PCLO: variants seen among roughly 807,000 people sequenced by gnomAD.
PCLO encodes the protein protein piccolo.
PCLO carries 82 observed loss-of-function variants against 427.5 expected under a neutral mutation model. The ratio of observed to expected loss-of-function variants is 0.19; its 90% CI spans 0.16 to 0.23. The LOEUF is 0.23. Among genes scored for constraint, PCLO ranks in the 10% least tolerant of loss-of-function variants. PCLO has a pLI of 1.00. For missense variants in PCLO, 6,239 were observed against 6,115.9 expected, an observed-to-expected ratio of 1.02 and a Z score of -0.67; for synonymous variants, 2,357 against 2,155.4, an observed-to-expected ratio of 1.09 and a Z score of -2.59.
chr7:82,808,509 GT>G (rs959529382), intron 20 of PCLO, among the ~76,000 whole-genome samples: 4 of 151,474 alleles, frequency 2.6e-5, no homozygotes, highest in African/African-American at 9.7e-5. Flanking sequence ...GAAAAGACAG[GT>G]TTTTTTTCCA....
At chr7:82,923,167 G>C (rs1299904050) in intron 6 of PCLO, among the ~76,000 whole-genome samples, 1 of 152,020 alleles carries the variant, frequency 6.6e-6, no homozygotes, top group Admixed American at 6.6e-5. Context: ...GAGAATGATT[G>C]ATTAAGATAT....
intron 3 of PCLO, among the ~76,000 whole-genome samples, chr7:83,125,781 A>G (rs1469525671): frequency 6.6e-6 from 1 of 152,192 alleles, no homozygotes; most frequent in Non-Finnish European, 1.5e-5. Flanking sequence ...TAGGAAAACC[A>G]GAGACCTTTG....
At chr7:82,919,827 C>T (rs62461416) in intron 6 of PCLO, among the ~76,000 whole-genome samples, 23,510 of 151,910 alleles carry the variant, frequency 0.15, 2,398 homozygotes, top group Non-Finnish European at 0.22. Flanking sequence ...CCCTAAAATA[C>T]ATAACTATTC....
chr7:82,824,787 C>CAAAA (rs572757696), intron 18 of PCLO, among the ~76,000 whole-genome samples: 9 of 141,728 alleles, frequency 6.4e-5, no homozygotes, highest in Admixed American at 1.4e-4. Context: ...GCTAAAAATA[C>CAAAA]AAAAAAAAAA....
chr7:82,809,610 A>G (rs866778064), intron 20 of PCLO, among the ~76,000 whole-genome samples: 3,658 of 151,228 alleles, frequency 0.024, 157 homozygotes, highest in African/African-American at 0.084. Context: ...AGTAATAATA[A>G]TAATAATACA....
intron 13 of PCLO, among the ~76,000 whole-genome samples, chr7:82,843,002 C>CA (rs939999256): frequency 1.2e-4 from 18 of 151,934 alleles, no homozygotes; most frequent in African/African-American, 2.9e-4. Flanking sequence ...GGAGGTTCCT[C>CA]AAAAAAATTA....
chr7:82,931,551 C>T (rs1292171855), intron 6 of PCLO, among the ~76,000 whole-genome samples: 1 of 152,114 alleles, frequency 6.6e-6, no homozygotes, highest in African/African-American at 2.4e-5. Flanking sequence ...TACTTCTAAG[C>T]TCACTCATGT....
chr7:82,881,340 G>C (rs1793504132), intron 9 of PCLO, among the ~76,000 whole-genome samples: 1 of 152,166 alleles, frequency 6.6e-6, no homozygotes, highest in South Asian at 2.1e-4. Context: ...GGTCCTTAGA[G>C]TCATTTGATT....
intron 22 of PCLO, among the ~76,000 whole-genome samples, chr7:82,789,339 G>C (rs1364707357): frequency 6.6e-6 from 1 of 152,174 alleles, no homozygotes; most frequent in Non-Finnish European, 1.5e-5. Flanking sequence ...GCATCAATTA[G>C]AATAACCTAA....
chr7:83,058,021 G>A (rs1323121508), intron 3 of PCLO, among the ~76,000 whole-genome samples: 1 of 152,168 alleles, frequency 6.6e-6, no homozygotes, highest in Non-Finnish European at 1.5e-5. Context: ...TGGAGCTTCT[G>A]AAGTTTAACC....
Position 82,999,434 on chromosome 7 carries a change from TTA to T in PCLO, c.3301-32949_3301-32948del, listed in dbSNP as rs1337372523. On this transcript the variant is annotated intron_variant, in intron 3 of 24. Transcript: ENST00000333891. ...ATTATATAATATATTATATATTTTA[TTA>T]TATATTATTCCATTATATAAAATAT... Among the ~76,000 whole-genome samples the T allele has an allele frequency of 1.6e-4, 20 of 123,636 alleles. 6 individuals carry two copies. In the South Asian group the frequency reaches 4.6e-3, roughly 29 times the overall value. The allele number at this position is 123,636 out of a possible 152,430, so 81.1% of individuals were successfully genotyped here.
intron 3 of PCLO, among the ~76,000 whole-genome samples, chr7:83,064,591 GTTA>G (rs1314483104): frequency 2.0e-5 from 3 of 152,010 alleles, no homozygotes; most frequent in Non-Finnish European, 2.9e-5. Context: ...AGGGTACCTT[GTTA>G]TTATTATTCC....
rs1491266599 is a variant in PCLO, at chr7:82,940,686, CCT to C, written c.11112+8788_11112+8789del. Among the ~76,000 whole-genome samples, 461 of 106,778 alleles carry C rather than the reference CCT, an allele frequency of 4.3e-3. 2 individuals carry two copies. The highest frequency in any genetic ancestry group is 0.014 in the African/African-American group (453 of 31,650). 70.1% of individuals were successfully genotyped at this position (106,778 alleles called of 152,430 possible). ...GCCATTTTATAAAATTAGAAGTACT[CCT>C]TTTTTTTTTAGCCAAAAATATACTG... On this transcript the variant is annotated intron_variant, in intron 6 of 24. Transcript: ENST00000333891.
At chr7:82,859,645 C>A (rs1373137113) in intron 10 of PCLO, among the ~76,000 whole-genome samples, 1 of 152,018 alleles carries the variant, frequency 6.6e-6, no homozygotes, top group Non-Finnish European at 1.5e-5. Flanking sequence ...TACAAATAAG[C>A]CCAGACAGTA....
chr7:82,953,542 T>C lies in PCLO; in HGVS notation c.7411A>G (p.Asn2471Asp), dbSNP rs1562879877. The change falls in exon 5 of 25, where the codon AAT becomes GAT. Residue 2471 changes from asparagine to aspartate, a missense_variant. Asn to Asp is a conservative substitution (Grantham distance 23). This residue lies in a region of PCLO where 4,677 missense variants were observed against 4,468.4 expected (regional missense o/e 1.05). Transcript: ENST00000333891. The part of the protein sequence containing the change: ...TLETTAVLRS[N>D]GLPVTRICTT... ...CATATTCTTGTAACAGGTAATCCAT[T>C]ACTTCTCAGAACAGCTGTGGTCTCT... 1 of 1,613,292 alleles carries C rather than the reference T, an allele frequency of 6.2e-7. No individual in the cohort carries two copies. The highest frequency in any genetic ancestry group is 8.5e-7 in the Non-Finnish European group (1 of 1,179,640).
chr7:82,794,459 CTTT>C (rs778108792), intron 22 of PCLO, among the ~76,000 whole-genome samples: 2,423 of 56,392 alleles, frequency 0.043, 329 homozygotes, highest in African/African-American at 0.1. Flanking sequence ...AATTTTTTTT[CTTT>C]TTTTTTTTTT....
intron 6 of PCLO, among the ~76,000 whole-genome samples, chr7:82,945,455 T>C (rs1795181539): frequency 6.6e-6 from 1 of 152,202 alleles, no homozygotes; most frequent in South Asian, 2.1e-4. Flanking sequence ...TGTGAACCTA[T>C]TTGAACATAG....
chr7:83,146,037 T>A (rs1189734268), intron 2 of PCLO, among the ~76,000 whole-genome samples: 2 of 152,216 alleles, frequency 1.3e-5, no homozygotes, highest in South Asian at 2.1e-4. Flanking sequence ...AGATACCACC[T>A]CATTAAAAGA....
intron 9 of PCLO, among the ~76,000 whole-genome samples, chr7:82,899,346 T>G (rs1184097291): frequency 6.6e-6 from 1 of 151,502 alleles, no homozygotes. Context: ...TCAGTGCCAG[T>G]TTCTCTGGCA....
Sources: allele counts gnomAD v4.1 joint callset (sites outside exome capture counted in the v4.1 genomes callset), GRCh38; gene constraint gnomAD v4.1.1; regional missense constraint gnomAD v4.1.1; transcripts MANE v1.5; gene names NCBI Gene and HGNC (gene_info 2026-07-23, HGNC 2026-07-21).